Variants in PRUNE2 observed in about 807,000 individuals in gnomAD.
PRUNE2 encodes the protein prune homolog 2 with BCH domain, also known as protein prune homolog 2.
PRUNE2 carries 164 observed loss-of-function variants against 252.0 expected under a neutral mutation model. The ratio of observed to expected loss-of-function variants is 0.65; its 90% confidence interval spans 0.57 to 0.74. The LOEUF (loss-of-function observed/expected upper bound fraction) is 0.74, where lower values mean the gene tolerates loss of function less well. Ranked by LOEUF, PRUNE2 falls within the 30% of genes least tolerant of loss-of-function variation. The probability of loss-of-function intolerance (pLI) is 0.00; values close to 1 mark genes in which losing one functional copy is unlikely to be tolerated. For missense variants in PRUNE2, 3,495 were observed against 3,711.0 expected, an observed-to-expected ratio of 0.94 and a Z score of 1.51; for synonymous variants, 1,292 against 1,350.2, an observed-to-expected ratio of 0.96 and a Z score of 0.94.
At chr9:76,784,371 A>G (rs757007344) in intron 6 of PRUNE2, 4 of 152,240 alleles carry the variant, frequency 2.6e-5, no homozygotes, top group Admixed American at 6.5e-5. Flanking sequence ...TGCAACAAAC[A>G]AAATGGAATA....
chr9:76,712,952 G>A (rs2046853158), intron 7 of PRUNE2, among the ~76,000 whole-genome samples: 1 of 152,186 alleles, frequency 6.6e-6, no homozygotes, highest in Non-Finnish European at 1.5e-5. Flanking sequence ...AGAGAAATAA[G>A]TAATGAAGCA....
At chr9:76,628,335 T>C (rs1463200785) in intron 16 of PRUNE2, among the ~76,000 whole-genome samples, 3 of 152,230 alleles carry the variant, frequency 2.0e-5, no homozygotes, top group African/African-American at 7.2e-5. Flanking sequence ...ACGCTGATAC[T>C]GCGTTACCCT....
chr9:76,715,563 A>C (rs2047078036), intron 6 of PRUNE2, among the ~76,000 whole-genome samples: 1 of 152,226 alleles, frequency 6.6e-6, no homozygotes, highest in Non-Finnish European at 1.5e-5. Context: ...TATTGTAATG[A>C]CATTTATGAT....
At chr9:76,670,638 ACT>A (rs1300694234) in intron 9 of PRUNE2, among the ~76,000 whole-genome samples, 1 of 152,214 alleles carries the variant, frequency 6.6e-6, no homozygotes, top group Non-Finnish European at 1.5e-5. Context: ...ACCTCTGCAG[ACT>A]TAAATGTCCC....
chr9:76,637,655 G>A (rs1405344181), intron 13 of PRUNE2, 106 bp from the exon 14 acceptor site: 2 of 962,396 alleles, frequency 2.1e-6, no homozygotes, highest in Non-Finnish European at 3.1e-6. Context: ...GAATGATTGT[G>A]CATATTACCT....
At chr9:76,666,365 G>A (rs544247812) in intron 9 of PRUNE2, among the ~76,000 whole-genome samples, 1 of 152,316 alleles carries the variant, frequency 6.6e-6, no homozygotes, top group East Asian at 1.9e-4. Flanking sequence ...TTATCCGGAG[G>A]CCTAACCATC....
At chr9:76,731,530 G>A (rs1168166973) in intron 6 of PRUNE2, among the ~76,000 whole-genome samples, 3 of 151,958 alleles carry the variant, frequency 2.0e-5, no homozygotes, top group Admixed American at 6.6e-5. Context: ...GTCTCATTAT[G>A]TTGCCCAGGC....
chr9:76,796,875 C>T (rs1450567647), intron 6 of PRUNE2, among the ~76,000 whole-genome samples: 1 of 152,154 alleles, frequency 6.6e-6, no homozygotes, highest in East Asian at 1.9e-4. Context: ...TCTTTTCTGG[C>T]CTTAGGATGC....
Position 76,707,650 on chromosome 9 carries a change from G to A in PRUNE2, c.4624C>T (p.His1542Tyr). ...DRDTISSEYT[H>Y]SSASSPELND... ...AACTCAGGACTTGATGCACTTGAAT[G>A]AGTATACTCACTAGAAATAGTATCT... Residue 1542 changes from histidine to tyrosine, a missense_variant, in exon 8 of 19, where the codon CAT (histidine) becomes TAT (tyrosine). His to Tyr is a moderately conservative substitution (Grantham distance 83). Transcript: ENST00000376718. 5 of 1,613,908 alleles carry A rather than the reference G, an allele frequency of 3.1e-6. No individual in the cohort carries two copies. In the South Asian group the frequency reaches 5.5e-5, roughly 18 times the overall value.
At position 76,837,320 on chromosome 9, in the gene PRUNE2, C is replaced by T. The variant is rs534517749; in HGVS notation, c.508+9195G>A. On this transcript the variant is annotated intron_variant, in intron 4 of 18. Transcript: ENST00000376718. ...AGCCAGGCGTGGTGGCGGGCACCTG[C>T]AGTCCCAACTACTCGGGAGGCTGAG... is the stretch of plus-strand genomic sequence containing the variant. Among the ~76,000 whole-genome samples the T allele has an allele frequency of 4.1e-3, 629 of 152,002 alleles. 5 individuals carry two copies. Among genetic ancestry groups the T allele is most frequent in the African/African-American group, 0.013 (554 of 41,468 alleles).
At chr9:76,831,243 G>A (rs2058659999) in intron 4 of PRUNE2, among the ~76,000 whole-genome samples, 1 of 151,738 alleles carries the variant, frequency 6.6e-6, no homozygotes, top group African/African-American at 2.4e-5. Context: ...AATTCTAAAA[G>A]AAGGCAAAAT....
intron 6 of PRUNE2, among the ~76,000 whole-genome samples, chr9:76,822,531 G>A (rs10869826): frequency 0.46 from 70,559 of 151,958 alleles, 16,471 homozygotes; most frequent in Middle Eastern, 0.51. Context: ...GAATAGGTCG[G>A]GTGTGGTGGC....
At chr9:76,872,473 G>A (rs2061263301) in intron 1 of PRUNE2, among the ~76,000 whole-genome samples, 1 of 152,208 alleles carries the variant, frequency 6.6e-6, no homozygotes, top group East Asian at 1.9e-4. Flanking sequence ...CAGAGGAGGT[G>A]ACTTTTGCCT....
At chr9:76,837,917 G>A (rs561174038) in intron 4 of PRUNE2, among the ~76,000 whole-genome samples, 150 of 150,834 alleles carry the variant, frequency 9.9e-4, no homozygotes, top group African/African-American at 2.7e-3. Flanking sequence ...GACTACAGGC[G>A]CCTGCCACCA....
intron 16 of PRUNE2, among the ~76,000 whole-genome samples, chr9:76,628,531 C>CAA (rs1489353284): frequency 6.6e-6 from 1 of 150,498 alleles, no homozygotes; most frequent in Non-Finnish European, 1.5e-5. Context: ...TATGCTAAGA[C>CAA]CGTCTTGTGT....
chr9:76,711,649 A>G (rs543965778), intron 7 of PRUNE2, among the ~76,000 whole-genome samples: 1 of 152,306 alleles, frequency 6.6e-6, no homozygotes, highest in East Asian at 1.9e-4. Context: ...ACTGTAATAT[A>G]ATACCATCTT....
rs1190194268 is a variant in PRUNE2, at chr9:76,704,478, G to A, written c.7513+283C>T. 6.6e-6 allele frequency among the ~76,000 whole-genome samples: 1 copy of A among 152,112 alleles called. No homozygotes were observed. Among genetic ancestry groups the A allele is most frequent in the East Asian group, 1.9e-4 (1 of 5,188 alleles). On this transcript the variant is annotated intron_variant, in intron 8 of 18. Coordinates refer to ENST00000376718, the MANE Select transcript of PRUNE2 (RefSeq NM_015225.3). Reference sequence around the variant, plus strand: ...GACATCAGGTGATCCCCCCTCCTTGGCCTCCCAAAGTGCTGAGATTACAGG... The same window carrying A: ...GACATCAGGTGATCCCCCCTCCTTGACCTCCCAAAGTGCTGAGATTACAGG...
intron 9 of PRUNE2, among the ~76,000 whole-genome samples, chr9:76,662,032 C>T (rs1436346127): frequency 2.0e-5 from 3 of 152,106 alleles, no homozygotes; most frequent in African/African-American, 7.2e-5. Flanking sequence ...CTAAAAAACA[C>T]ACGTGTAAGT....
chr9:76,626,119 C>A (rs569491738), intron 16 of PRUNE2, among the ~76,000 whole-genome samples: 1 of 152,294 alleles, frequency 6.6e-6, no homozygotes, highest in South Asian at 2.1e-4. Context: ...AACATTGTGA[C>A]CAGATGCTTG....
Sources: gnomAD v4.1 joint callset for allele counts (sites outside exome capture counted in the v4.1 genomes callset) on GRCh38, gnomAD v4.1.1 for gene constraint, MANE v1.5 for transcripts, NCBI Gene and HGNC (gene_info 2026-07-23, HGNC 2026-07-21) for gene names.